Variants in EYS observed in about 807,000 individuals in gnomAD.
EYS encodes the protein EGF-like photoreceptor maintenance factor.
A neutral mutation model predicts 282.1 loss-of-function variants in EYS; 250 were observed. That is an observed-to-expected ratio of 0.89 (90% CI 0.80 to 0.98). The LOEUF (loss-of-function observed/expected upper bound fraction) is 0.98. EYS is among the 50% of genes least tolerant of loss of function. The probability of loss-of-function intolerance (pLI) is 0.00; values close to 1 mark genes in which losing one functional copy is unlikely to be tolerated. For missense variants in EYS, 4,016 were observed against 3,709.0 expected (o/e 1.08, Z -2.15); for synonymous variants, 1,355 against 1,282.9 (o/e 1.06, Z -1.20).
At position 64,877,457 on chromosome 6, in the gene EYS, T is replaced by C. The variant is rs191507896; in HGVS notation, c.2992+9240A>G. Among the ~76,000 whole-genome samples the C allele has an allele frequency of 4.6e-5, 7 of 152,282 alleles. No homozygotes were observed. The East Asian group carries it at 1.4e-3, about 29-fold the overall frequency. ...TGAAATTCCTCAATCAGTGAACATA[T>C]CTAAAAATAGAAATAATGATGATCT... On this transcript the variant is annotated intron_variant, in intron 19 of 42. Coordinates refer to ENST00000503581, the MANE Select transcript of EYS (RefSeq NM_001142800.2).
chr6:65,682,196 A>C (rs1768849184), intron 1 of EYS, among the ~76,000 whole-genome samples: 1 of 151,910 alleles, frequency 6.6e-6, no homozygotes, highest in Non-Finnish European at 1.5e-5. Flanking sequence ...GGAGCAATGA[A>C]GAGTGGTCCA....
At chr6:63,998,642 A>G (rs1432347583) in intron 34 of EYS, among the ~76,000 whole-genome samples, 1 of 152,186 alleles carries the variant, frequency 6.6e-6, no homozygotes, top group Admixed American at 6.5e-5. Context: ...GACTCATTCA[A>G]TGTTTCTAAG....
chr6:65,205,181 C>T lies in EYS; in HGVS notation c.2023+90682G>A, dbSNP rs1167351495. Among the ~76,000 whole-genome samples the T allele has an allele frequency of 4.0e-5, 6 of 149,896 alleles. No individual in the cohort carries two copies. The East Asian group carries it at 7.8e-4, about 19-fold the overall frequency. ...CTATAGGGGGTCTAATGGCTAGACACATATATACTCAAAGTAAAGGGGTAG... is the reference window on the plus strand; with the variant it reads ...CTATAGGGGGTCTAATGGCTAGACATATATATACTCAAAGTAAAGGGGTAG... On this transcript the variant is annotated intron_variant, in intron 12 of 42. Transcript: ENST00000503581.
At chr6:65,001,865 A>C (rs1414947494) in intron 13 of EYS, among the ~76,000 whole-genome samples, 1 of 147,260 alleles carries the variant, frequency 6.8e-6, no homozygotes, top group East Asian at 2.1e-4. Flanking sequence ...GGGGTCCAAA[A>C]TATATTATGA....
intron 29 of EYS, among the ~76,000 whole-genome samples, chr6:64,367,610 G>A (rs1349622210): frequency 6.0e-5 from 9 of 148,840 alleles, no homozygotes; most frequent in Admixed American, 6.7e-5. Flanking sequence ...TTGGATTTCA[G>A]AAAAAAAAAA....
chr6:64,182,778 C>G (rs760134213), intron 31 of EYS, among the ~76,000 whole-genome samples: 4 of 152,130 alleles, frequency 2.6e-5, no homozygotes, highest in African/African-American at 4.8e-5. Context: ...TCTACTCACT[C>G]TGCTCCTGAG....
At chr6:64,463,203 G>A (rs951639823) in intron 26 of EYS, among the ~76,000 whole-genome samples, 1 of 151,968 alleles carries the variant, frequency 6.6e-6, no homozygotes. Flanking sequence ...TGCCCCTCTA[G>A]GCCTCCCAAA....
chr6:64,548,623 A>G (rs1937081810), intron 26 of EYS, among the ~76,000 whole-genome samples: 1 of 152,146 alleles, frequency 6.6e-6, no homozygotes, highest in South Asian at 2.1e-4. Flanking sequence ...GTGGGAATTG[A>G]ACAATGAGAA....
At chr6:65,228,153 A>G (rs1293465207) in intron 12 of EYS, among the ~76,000 whole-genome samples, 1 of 152,118 alleles carries the variant, frequency 6.6e-6, no homozygotes, top group Non-Finnish European at 1.5e-5. Flanking sequence ...CTATGTGGAA[A>G]CAAGGATATC....
In EYS at chr6:65,317,830, CT is replaced by C. The variant is rs1769345400; in HGVS notation, c.1766+17149del. 7.6e-5 allele frequency among the ~76,000 whole-genome samples: 6 copies of C among 78,710 alleles called. 1 individual carries two copies. Among genetic ancestry groups the C allele is most frequent in the African/African-American group, 3.6e-4 (6 of 16,504 alleles). 51.6% of individuals were successfully genotyped at this position (78,710 alleles called of 152,430 possible). Reference sequence around the variant, plus strand: ...CCTTCCTTCCTTCCTTCCTTCCTTTCTTTCTTTCTTTCTTTCTTTCTTTCTT... The same window carrying C: ...CCTTCCTTCCTTCCTTCCTTCCTTTCTTCTTTCTTTCTTTCTTTCTTTCTT... On this transcript the variant is annotated intron_variant, in intron 11 of 42. Coordinates refer to ENST00000503581, the MANE Select transcript of EYS (RefSeq NM_001142800.2).
At chr6:65,480,238 T>C (rs1379432288) in intron 5 of EYS, among the ~76,000 whole-genome samples, 1 of 152,184 alleles carries the variant, frequency 6.6e-6, no homozygotes, top group East Asian at 1.9e-4. Context: ...ATTATATGCA[T>C]ACATGACAAG....
rs72875066 is a variant in EYS, at chr6:64,016,171, G to A, written c.6726-16988C>T. ...TTCAAAGTGACAGAGACCTTCACAG[G>A]GGTATGTTTTTATTATTAGCAATAG... On this transcript the variant is annotated intron_variant, in intron 33 of 42. Coordinates refer to ENST00000503581, the MANE Select transcript of EYS (RefSeq NM_001142800.2). 8.9e-3 allele frequency among the ~76,000 whole-genome samples: 1,353 copies of A among 152,106 alleles called. 13 individuals carry two copies. Among genetic ancestry groups the A allele is most frequent in the Non-Finnish European group, 0.013 (867 of 67,998 alleles).
rs145457577 is a variant in EYS at position 64,730,626 on chromosome 6, C to T, written c.3443+82752G>A. 5.9e-3 allele frequency among the ~76,000 whole-genome samples: 895 copies of T among 152,096 alleles called. 10 individuals are homozygous for T. The highest frequency in any genetic ancestry group is 0.02 in the African/African-American group (832 of 41,484). On this transcript the variant is annotated intron_variant, in intron 22 of 42. Coordinates refer to ENST00000503581, the MANE Select transcript of EYS (RefSeq NM_001142800.2). ...CCGAGTAGCTAGGACTACAGGCACGCACCACCATGCCCAGCTAATTTTTAT... is the reference window on the plus strand; with the variant it reads ...CCGAGTAGCTAGGACTACAGGCACGTACCACCATGCCCAGCTAATTTTTAT...
chr6:64,547,645 G>A (rs1174754298), intron 26 of EYS, among the ~76,000 whole-genome samples: 1 of 152,200 alleles, frequency 6.6e-6, no homozygotes, highest in Admixed American at 6.5e-5. Flanking sequence ...CCAAACTCAG[G>A]AGCCCAGCTG....
intron 1 of EYS, among the ~76,000 whole-genome samples, chr6:65,701,077 T>C (rs777413146): frequency 6.6e-5 from 10 of 152,208 alleles, no homozygotes; most frequent in Non-Finnish European, 1.2e-4. Context: ...CATCCTTGTA[T>C]AGATCTTTGC....
At chr6:65,027,839 G>A (rs980745029) in intron 13 of EYS, among the ~76,000 whole-genome samples, 1 of 152,094 alleles carries the variant, frequency 6.6e-6, no homozygotes, top group Non-Finnish European at 1.5e-5. Context: ...TGGTGAATAC[G>A]TATAAAGGTG....
intron 2 of EYS, among the ~76,000 whole-genome samples, chr6:65,619,576 A>T (rs1363764492): frequency 6.6e-6 from 1 of 152,048 alleles, no homozygotes; most frequent in African/African-American, 2.4e-5. Context: ...CCTGGCCAGA[A>T]CTTCCAACAC....
chr6:65,479,315 T>C (rs1004488829), intron 5 of EYS, among the ~76,000 whole-genome samples: 14 of 152,190 alleles, frequency 9.2e-5, no homozygotes, highest in African/African-American at 3.4e-4. Context: ...TGGTAGAATT[T>C]TTAAAATAAA....
At chr6:65,680,944 G>A (rs564846897) in intron 1 of EYS, among the ~76,000 whole-genome samples, 16 of 151,960 alleles carry the variant, frequency 1.1e-4, no homozygotes, top group African/African-American at 3.9e-4. Flanking sequence ...TCAGTTTCAC[G>A]AGATTGCCTC....
Sources: gnomAD v4.1 joint callset for allele counts (sites outside exome capture counted in the v4.1 genomes callset) on GRCh38, gnomAD v4.1.1 for gene constraint, MANE v1.5 for transcripts, NCBI Gene and HGNC (gene_info 2026-07-23, HGNC 2026-07-21) for gene names.